The following FAM200B variants were observed in gnomAD, a reference collection of about 807,000 sequenced individuals.
FAM200B encodes protein FAM200B.
In FAM200B, 32 loss-of-function variants were observed where a neutral mutation model predicts 33.1. The observed-to-expected ratio is 0.97, with a 90% CI of 0.73 to 1.30. The LOEUF is 1.30. Ranked by LOEUF, FAM200B falls within the 50% of genes most tolerant of loss-of-function variation. FAM200B has a pLI of 0.00. For missense variants in FAM200B, 741 were observed against 754.0 expected (o/e 0.98, Z 0.20); for synonymous variants, 240 against 264.8 (o/e 0.91, Z 0.91).
chr4:15,666,538 A>T, the FAM200B span, among the ~76,000 whole-genome samples: 1 of 149,792 alleles, frequency 6.7e-6, no homozygotes, highest in Non-Finnish European at 1.5e-5. Flanking sequence ...CAAAGCATGC[A>T]AAGTGTCAGG....
the FAM200B span, among the ~76,000 whole-genome samples, chr4:15,674,816 A>T: frequency 6.6e-6 from 1 of 152,006 alleles, no homozygotes; most frequent in African/African-American, 2.4e-5. Flanking sequence ...TGCCTGGCTA[A>T]TTTTTTGTGT....
the FAM200B span, among the ~76,000 whole-genome samples, chr4:15,643,430 A>C: frequency 9.2e-5 from 14 of 152,360 alleles, no homozygotes; most frequent in African/African-American, 2.4e-4. Context: ...ATGTAAATGT[A>C]ATTAAGAAGA....
the FAM200B span, chr4:15,641,001 C>A: frequency 1.9e-6 from 1 of 521,484 alleles, no homozygotes. Context: ...AGACAAATTG[C>A]AAAGTGGTCT....
the FAM200B span, among the ~76,000 whole-genome samples, chr4:15,645,279 T>C: frequency 1.3e-5 from 2 of 152,132 alleles, no homozygotes; most frequent in African/African-American, 2.4e-5. Flanking sequence ...ATTCCTACTA[T>C]ACATAACAGA....
the FAM200B span, chr4:15,638,712 T>G: frequency 4.8e-4 from 719 of 1,502,288 alleles, no homozygotes; most frequent in Non-Finnish European, 6.4e-4. Flanking sequence ...AAACAAAATA[T>G]TCACGAGGAA....
At chr4:15,672,385 T>G in the FAM200B span, among the ~76,000 whole-genome samples, 4 of 152,256 alleles carry the variant, frequency 2.6e-5, no homozygotes, top group Admixed American at 6.5e-5. Flanking sequence ...AATTTCATCA[T>G]TATGTGACCA....
At chr4:15,638,352 G>A in the FAM200B span, among the ~76,000 whole-genome samples, 12 of 152,212 alleles carry the variant, frequency 7.9e-5, no homozygotes, top group East Asian at 9.6e-4. Flanking sequence ...GAGAACCATC[G>A]TCTTCAATTA....
chr4:15,659,522 G>A, the FAM200B span, among the ~76,000 whole-genome samples: 11 of 152,090 alleles, frequency 7.2e-5, no homozygotes, highest in African/African-American at 2.2e-4. Context: ...GAGCTGCACC[G>A]CAAACTACGT....
upstream of FAM200B, among the ~76,000 whole-genome samples, chr4:15,680,019 A>T (rs1718158218): frequency 6.6e-6 from 1 of 152,230 alleles, no homozygotes; most frequent in Admixed American, 6.5e-5. Context: ...TTTACTGTAT[A>T]AACTGGAGTA....
At chr4:15,655,150 C>T in the FAM200B span, 2 of 1,307,736 alleles carry the variant, frequency 1.5e-6, no homozygotes, top group Non-Finnish European at 1.0e-6. Context: ...GAACCCAGCC[C>T]GCTCCCCATC....
At chr4:15,674,050 A>C in the FAM200B span, among the ~76,000 whole-genome samples, 1 of 152,220 alleles carries the variant, frequency 6.6e-6, no homozygotes, top group African/African-American at 2.4e-5. Flanking sequence ...GCCAGAACAA[A>C]AATTGATACA....
chr4:15,651,697 T>A, the FAM200B span, among the ~76,000 whole-genome samples: 1 of 152,234 alleles, frequency 6.6e-6, no homozygotes, highest in African/African-American at 2.4e-5. Context: ...TCATAAAATG[T>A]CCTATCTGTA....
chr4:15,645,189 T>C, the FAM200B span, among the ~76,000 whole-genome samples: 1 of 151,962 alleles, frequency 6.6e-6, no homozygotes, highest in East Asian at 1.9e-4. Context: ...TAAGCTGTCT[T>C]ATTGCCTATT....
chr4:15,680,989 C>CAA (rs56262785), upstream of FAM200B, among the ~76,000 whole-genome samples: 1 of 149,366 alleles, frequency 6.7e-6, no homozygotes. Flanking sequence ...ATCTCAACCA[C>CAA]AAAAAAATTT....
At chr4:15,644,987 C>T in the FAM200B span, among the ~76,000 whole-genome samples, 3 of 152,156 alleles carry the variant, frequency 2.0e-5, no homozygotes, top group Non-Finnish European at 4.4e-5. Flanking sequence ...GAGATTAAAC[C>T]AGGCCCCTTC....
chr4:15,654,373 G>A, the FAM200B span, among the ~76,000 whole-genome samples: 2 of 152,082 alleles, frequency 1.3e-5, no homozygotes, highest in African/African-American at 4.8e-5. Context: ...ACTAGCAAAG[G>A]GCCCTGAACC....
rs1335500101 is a variant in FAM200B at position 15,688,515 on chromosome 4, C to G, written c.1538C>G (p.Thr513Ser). ...AAATTAGAGATATTGTTGCATCTCACTTCTCTGTCTCAAACTTTTAACCAT... is the reference window on the plus strand; with the variant it reads ...AAATTAGAGATATTGTTGCATCTCAGTTCTCTGTCTCAAACTTTTAACCAT... ...EIKLEILLHL[T>S]SLSQTFNHFF... The change falls in exon 2 of 2, where the codon ACT (threonine) becomes AGT (serine). Residue 513 changes from threonine to serine, a missense_variant. Coordinates refer to ENST00000422728, the MANE Select transcript of FAM200B (RefSeq NM_001145191.2). 24 of 1,545,998 alleles carry G rather than the reference C, an allele frequency of 1.6e-5. No homozygotes were observed. The Admixed American group carries it at 4.7e-4, about 30-fold the overall frequency.
At chr4:15,660,468 C>G in the FAM200B span, among the ~76,000 whole-genome samples, 1,781 of 152,264 alleles carry the variant, frequency 0.012, 42 homozygotes, top group African/African-American at 0.041. Flanking sequence ...ATGCTGAGAG[C>G]TACCTAGAAA....
the FAM200B span, among the ~76,000 whole-genome samples, chr4:15,667,282 C>A: frequency 1.3e-5 from 2 of 152,104 alleles, no homozygotes; most frequent in East Asian, 1.9e-4. Context: ...AGTACCTAGT[C>A]CAATGCTTGG....
Sources: gnomAD v4.1 joint callset for allele counts (sites outside exome capture counted in the v4.1 genomes callset) on GRCh38, gnomAD v4.1.1 for gene constraint, MANE v1.5 for transcripts, NCBI Gene and HGNC (gene_info 2026-07-23, HGNC 2026-07-21) for gene names.